PEX16: variants seen among roughly 807,000 people sequenced by gnomAD.
PEX16 encodes peroxin 16.
A neutral mutation model predicts 50.5 loss-of-function variants in PEX16; 37 were observed. The observed-to-expected ratio is 0.73, with a 90% CI of 0.56 to 0.96. The LOEUF (loss-of-function observed/expected upper bound fraction) is 0.96. Ranked by LOEUF, PEX16 falls within the 40% of genes least tolerant of loss-of-function variation. The pLI, the probability that PEX16 is intolerant of heterozygous loss-of-function variation, is 0.00. For synonymous variants in PEX16, 185 were observed against 190.3 expected (o/e 0.97, Z 0.23); for missense variants, 401 against 438.3 (o/e 0.91, Z 0.76).
At chr11:45,910,778 C>T in intron 10 of PEX16, 120 bp downstream of exon 10, 2 of 1,050,144 alleles carry the variant, frequency 1.9e-6, no homozygotes, top group East Asian at 2.4e-5. Context: ...ATCCTGACTT[C>T]CCGACTTCCT....
Position 45,917,806 on chromosome 11 carries a change from C to T in PEX16, c.6G>A (p.Glu2=). The stretch of plus-strand genomic sequence containing the variant: ...AGCGGAGGCCCAGGAGCCGCAGCTT[C>T]TCCATCCTGCCCTCGGCACCGACAG... M[E]KLRLLGLRYQ... is the part of the protein sequence containing the mutation. Residue 2 remains glutamate (E), a synonymous_variant, in exon 1 of 11, where the codon GAG becomes GAA. Coordinates refer to ENST00000378750, the MANE Select transcript of PEX16 (RefSeq NM_004813.4). 6.5e-7 allele frequency: 1 copy of T among 1,540,748 alleles called. No individual in the cohort carries two copies. The highest frequency in any genetic ancestry group is 8.7e-7 in the Non-Finnish European group (1 of 1,145,866).
At position 45,914,683 on chromosome 11, in the gene PEX16, A is replaced by G. The variant is rs1406562067; in HGVS notation, c.462T>C (p.Asp154=). 1.1e-5 allele frequency: 18 copies of G among 1,613,866 alleles called. No individual in the cohort carries two copies. Among genetic ancestry groups the G allele is most frequent in the Non-Finnish European group, 1.4e-5 (17 of 1,179,786 alleles). The change falls in exon 6 of 11, where the codon GAT becomes GAC. Residue 154 remains aspartate, a splice_region_variant and synonymous_variant. Coordinates refer to ENST00000378750, the MANE Select transcript of PEX16 (RefSeq NM_004813.4). ...CATGGTTGCCAGGGCTGTGGTCACCATCTAGCAGGGATAGACAGAAGGCCA... is the reference window on the plus strand; with the variant it reads ...CATGGTTGCCAGGGCTGTGGTCACCGTCTAGCAGGGATAGACAGAAGGCCA... ...LDRETQAQPP[D]GDHSPGNHEQ...
chr11:45,911,639 T>C (rs1170991796), intron 9 of PEX16, among the ~76,000 whole-genome samples: 1 of 152,266 alleles, frequency 6.6e-6, no homozygotes, highest in East Asian at 1.9e-4. Flanking sequence ...GGTGAGGAAA[T>C]GAGGCACAGG....
At chr11:45,916,993 G>C (rs1565082568) in intron 2 of PEX16, 2 of 465,344 alleles carry the variant, frequency 4.3e-6, no homozygotes, top group Non-Finnish European at 8.6e-6. Context: ...TCAAAACCCA[G>C]TGCATTCTTT....
chr11:45,915,375 A>G lies in PEX16; in HGVS notation c.460+93T>C, dbSNP rs1272865267. 3.2e-6 allele frequency: 3 copies of G among 928,714 alleles called. No homozygotes were observed. The Admixed American group carries it at 5.2e-5, about 16-fold the overall frequency. 57.5% of individuals were successfully genotyped at this position (928,714 alleles called of 1,614,324 possible). The stretch of plus-strand genomic sequence containing the variant: ...GTTGATAGGGACAGGCGTGCTCCAT[A>G]AACAGATACTACTGTATTCATGCTG... On this transcript the variant is annotated intron_variant, in intron 5 of 10. Coordinates refer to ENST00000378750, the MANE Select transcript of PEX16 (RefSeq NM_004813.4).
At chr11:45,918,244 T>C, upstream of PEX16, 1 of 271,682 alleles carries the variant, frequency 3.7e-6, no homozygotes, top group Admixed American at 4.9e-5. Context: ...GCCGAGAGAC[T>C]CGAACGGCAG....
At chr11:45,914,792 G>GC in intron 5 of PEX16, 108 bp from the exon 6 acceptor site, 1 of 945,812 alleles carries the variant, frequency 1.1e-6, no homozygotes, top group Non-Finnish European at 1.7e-6. Flanking sequence ...GAACAGATGA[G>GC]CTTGTACTAT....
Position 45,917,503 on chromosome 11 carries a change from G to A in PEX16, c.113-10C>T, listed in dbSNP as rs1414680049. On this transcript the variant is annotated splice_polypyrimidine_tract_variant and intron_variant, in intron 1 of 10. Coordinates refer to ENST00000378750, the MANE Select transcript of PEX16 (RefSeq NM_004813.4). Reference sequence around the variant, plus strand: ...GAATCGGCGAATCGACCTGGGGAGAGGGTACAGAAGGAGGTGTGAGTGAGC... The same window carrying A: ...GAATCGGCGAATCGACCTGGGGAGAAGGTACAGAAGGAGGTGTGAGTGAGC... 1.2e-6 allele frequency: 2 copies of A among 1,614,008 alleles called. No homozygotes were observed. The highest frequency in any genetic ancestry group is 1.6e-4 in the Middle Eastern group (1 of 6,062).
rs201706413 is a variant in PEX16, at chr11:45,914,358, T to C, written c.652A>G (p.Thr218Ala). The change falls in exon 7 of 11, where the codon ACC (threonine) becomes GCC (alanine). Residue 218 changes from threonine to alanine, a missense_variant. Transcript: ENST00000378750. ...ATPTPLGLQE[T>A]IAEFLYIARP... is the part of the protein sequence containing the mutation. ...GCAATGTACAAAAACTCTGCGATGG[T>C]CTCCTGCAGCCCCAGGGGGGTGGGG... 1 of 1,611,644 alleles carries C rather than the reference T, an allele frequency of 6.2e-7. No individual in the cohort carries two copies. Among genetic ancestry groups the C allele is most frequent in the Non-Finnish European group, 8.5e-7 (1 of 1,180,034 alleles).
intron 9 of PEX16, among the ~76,000 whole-genome samples, chr11:45,912,998 AT>A (rs5791710): frequency 0.8 from 118,952 of 149,332 alleles, 49,040 homozygotes; most frequent in Non-Finnish European, 0.92. Flanking sequence ...AATTATTATT[AT>A]TTTTTTTTTT....
intron 9 of PEX16, among the ~76,000 whole-genome samples, chr11:45,911,269 G>A (rs1011395166): frequency 1.3e-5 from 2 of 152,184 alleles, no homozygotes; most frequent in African/African-American, 4.8e-5. Flanking sequence ...CGCATGTGGA[G>A]CAGCGCCCTG....
chr11:45,918,036 G>T, upstream of PEX16: 1 of 611,392 alleles, frequency 1.6e-6, no homozygotes, highest in Non-Finnish European at 3.0e-6. Flanking sequence ...GCCCAAACCC[G>T]GCCCCCTACT....
At position 45,909,976 on chromosome 11, in the gene PEX16, T is replaced by G; in HGVS notation, c.*278A>C. On this transcript the variant is annotated 3_prime_UTR_variant, in exon 11 of 11. Transcript: ENST00000378750. ...GAGCAGCTTCCCGGGCTCCATGAGG[T>G]GAAGTCACCGCTTTCTGTGGGAGAG... 1 of 977,362 alleles carries G rather than the reference T, an allele frequency of 1.0e-6. No homozygotes were observed. Among genetic ancestry groups the G allele is most frequent in the Non-Finnish European group, 1.6e-6 (1 of 619,524 alleles). The allele number at this position is 977,362 out of a possible 1,614,324, so 60.5% of individuals were successfully genotyped here.
At chr11:45,917,293 G>A (rs548741678) in intron 2 of PEX16, among the ~76,000 whole-genome samples, 165 bp downstream of exon 2, 1 of 152,322 alleles carries the variant, frequency 6.6e-6, no homozygotes, top group South Asian at 2.1e-4. Context: ...TAGGGACATG[G>A]AGGGCCCAGG....
intron 5 of PEX16, among the ~76,000 whole-genome samples, 158 bp from the exon 6 acceptor site, chr11:45,914,842 G>A (rs1053723273): frequency 2.0e-5 from 3 of 152,196 alleles, no homozygotes; most frequent in African/African-American, 7.2e-5. Flanking sequence ...CAGGGTGGCG[G>A]CTCAGCACAA....
chr11:45,913,759 C>A, intron 9 of PEX16, 60 bp downstream of exon 9: 1 of 1,601,068 alleles, frequency 6.2e-7, no homozygotes, highest in South Asian at 1.1e-5. Context: ...CAGCAGGGAC[C>A]GGAGCACCAG....
At chr11:45,911,038 C>A in intron 9 of PEX16, 76 bp from the exon 10 acceptor site, 1 of 976,644 alleles carries the variant, frequency 1.0e-6, no homozygotes, top group Non-Finnish European at 1.6e-6. Context: ...GCCCAGAGGC[C>A]TTCACTGACC....
chr11:45,918,414 T>TAC, upstream of PEX16: 1 of 175,964 alleles, frequency 5.7e-6, no homozygotes, highest in Non-Finnish European at 1.2e-5. Context: ...AAGGTAGTGC[T>TAC]GGGGAAACTG....
chr11:45,915,623 AG>A lies in PEX16; in HGVS notation c.360-56del, dbSNP rs1476163173. 3 of 1,612,186 alleles carry A rather than the reference AG, an allele frequency of 1.9e-6. No individual in the cohort carries two copies. The African/African-American group carries it at 4.0e-5, about 22-fold the overall frequency. On this transcript the variant is annotated intron_variant, in intron 4 of 10. Transcript: ENST00000378750. Reference sequence around the variant, plus strand: ...GGAGGTGGCTAGCCGGCGGGAGGCCAGGGATGCTCTGCTGAGCACCATCTGT... The same window carrying A: ...GGAGGTGGCTAGCCGGCGGGAGGCCAGGATGCTCTGCTGAGCACCATCTGT...
Sources: gnomAD v4.1 joint callset for allele counts (sites outside exome capture counted in the v4.1 genomes callset) on GRCh38, gnomAD v4.1.1 for gene constraint, MANE v1.5 for transcripts, NCBI Gene and HGNC (gene_info 2026-07-23, HGNC 2026-07-21) for gene names.